VWC2: variants seen among roughly 807,000 people sequenced by gnomAD.
VWC2 encodes the protein von Willebrand factor C domain containing 2.
VWC2 carries 14 observed loss-of-function variants against 29.8 expected under a neutral mutation model. The ratio of observed to expected loss-of-function variants is 0.47; its 90% CI spans 0.31 to 0.74. The LOEUF (loss-of-function observed/expected upper bound fraction) is 0.74, where lower values mean the gene tolerates loss of function less well. VWC2 is among the 30% of genes least tolerant of loss of function. VWC2 has a pLI of 0.05. For synonymous variants in VWC2, 213 were observed against 199.0 expected, an observed-to-expected ratio of 1.07 and a Z score of -0.59; for missense variants, 457 against 459.8, an observed-to-expected ratio of 0.99 and a Z score of 0.05.
chr7:49,810,689 T>A (rs1026068108), intron 3 of VWC2, among the ~76,000 whole-genome samples: 2 of 152,146 alleles, frequency 1.3e-5, no homozygotes, highest in Non-Finnish European at 1.5e-5. Flanking sequence ...TGGAAAAGAA[T>A]TGACAGTCCC....
chr7:49,914,607 T>C lies in VWC2; in HGVS notation c.*2422T>C, dbSNP rs772604779. ...CACTGTATATACTCATTAATAATAATGGCATTATTTGCATTTTTGTCCAAG... is the reference window on the plus strand; with the variant it reads ...CACTGTATATACTCATTAATAATAACGGCATTATTTGCATTTTTGTCCAAG... On this transcript the variant is annotated 3_prime_UTR_variant, in exon 4 of 4. Coordinates refer to ENST00000340652, the MANE Select transcript of VWC2 (RefSeq NM_198570.5). The C allele has an allele frequency of 1.3e-5, 2 of 152,188 alleles. No homozygotes were observed. The highest frequency in any genetic ancestry group is 2.9e-5 in the Non-Finnish European group (2 of 68,034). The allele number at this position is 152,188 out of a possible 1,614,324, so 9.4% of individuals were successfully genotyped here.
intron 3 of VWC2, among the ~76,000 whole-genome samples, chr7:49,837,668 A>C (rs1789694837): frequency 6.6e-6 from 1 of 152,194 alleles, no homozygotes; most frequent in Non-Finnish European, 1.5e-5. Flanking sequence ...GGAAGAAGGA[A>C]AAAAGATAAA....
At position 49,816,497 on chromosome 7, in the gene VWC2, G is replaced by C. The variant is rs757388568; in HGVS notation, c.826+13657G>C. On this transcript the variant is annotated intron_variant, in intron 3 of 3. Transcript: ENST00000340652. The stretch of plus-strand genomic sequence containing the variant: ...AGTTTAAGAATGGGGCTCCACTTCT[G>C]ATTTGGGTAATGACAAAGACCATGG... 2.0e-5 allele frequency among the ~76,000 whole-genome samples: 3 copies of C among 152,188 alleles called. No homozygotes were observed. In the South Asian group the frequency reaches 6.2e-4, roughly 32 times the overall value.
chr7:49,788,772 GGGTGT>G, intron 2 of VWC2, among the ~76,000 whole-genome samples: 2 of 146,054 alleles, frequency 1.4e-5, no homozygotes, highest in African/African-American at 5.4e-5. Flanking sequence ...GTGTGAGAGA[GGGTGT>G]GTATGAGTGT....
At chr7:49,850,127 G>A (rs1364757583) in intron 3 of VWC2, among the ~76,000 whole-genome samples, 1 of 152,164 alleles carries the variant, frequency 6.6e-6, no homozygotes, top group Non-Finnish European at 1.5e-5. Flanking sequence ...TGGTGCTGCA[G>A]GAAAACAGAG....
At chr7:49,828,409 A>G (rs1789451896) in intron 3 of VWC2, among the ~76,000 whole-genome samples, 1 of 152,232 alleles carries the variant, frequency 6.6e-6, no homozygotes. Flanking sequence ...CACTAAGGTC[A>G]TGGGGTAGGT....
At chr7:49,815,544 A>T (rs1789119957) in intron 3 of VWC2, among the ~76,000 whole-genome samples, 1 of 152,152 alleles carries the variant, frequency 6.6e-6, no homozygotes, top group African/African-American at 2.4e-5. Flanking sequence ...AAGCACATAA[A>T]CCTTACAATA....
intron 2 of VWC2, among the ~76,000 whole-genome samples, chr7:49,802,338 AG>A (rs35783218): frequency 0.077 from 11,683 of 152,278 alleles, 593 homozygotes; most frequent in Non-Finnish European, 0.1. Context: ...CAGAAAGTTT[AG>A]GGAAAGAAAA....
chr7:49,901,042 G>A (rs979433555), intron 3 of VWC2: 1 of 151,624 alleles, frequency 6.6e-6, no homozygotes, highest in Admixed American at 6.6e-5. Context: ...TTTATGATAA[G>A]GTAAACTAGG....
intron 3 of VWC2, among the ~76,000 whole-genome samples, chr7:49,906,438 C>T (rs564090856): frequency 6.6e-6 from 1 of 152,182 alleles, no homozygotes; most frequent in South Asian, 2.1e-4. Flanking sequence ...TGGGTTCACG[C>T]CATTTTCCTG....
chr7:49,880,151 AAT>A (rs1416015384), intron 3 of VWC2, among the ~76,000 whole-genome samples: 1 of 152,156 alleles, frequency 6.6e-6, no homozygotes, highest in African/African-American at 2.4e-5. Flanking sequence ...CTGCTTTTGC[AAT>A]ATTTTACTAA....
chr7:49,821,472 C>A (rs115054105), intron 3 of VWC2, among the ~76,000 whole-genome samples: 130 of 152,266 alleles, frequency 8.5e-4, no homozygotes, highest in African/African-American at 3.0e-3. Flanking sequence ...GACTCATTTT[C>A]AACTGCAATT....
intron 2 of VWC2, among the ~76,000 whole-genome samples, chr7:49,793,110 A>G (rs1055673233): frequency 3.9e-5 from 6 of 152,336 alleles, no homozygotes; most frequent in African/African-American, 1.4e-4. Context: ...AAGCATCACT[A>G]AAATCCTCCA....
intron 2 of VWC2, among the ~76,000 whole-genome samples, chr7:49,788,447 G>C (rs550091575): frequency 6.8e-5 from 5 of 73,782 alleles, no homozygotes; most frequent in Non-Finnish European, 1.1e-4. Context: ...CCCCTGGCCT[G>C]TGTGTGTGTG....
intron 3 of VWC2, among the ~76,000 whole-genome samples, chr7:49,871,872 T>C (rs1791162086): frequency 6.8e-6 from 1 of 146,430 alleles, no homozygotes; most frequent in Non-Finnish European, 1.5e-5. Flanking sequence ...CATATGTGCA[T>C]ATATAATGTT....
At chr7:49,865,065 A>G (rs1479664618) in intron 3 of VWC2, among the ~76,000 whole-genome samples, 2 of 152,206 alleles carry the variant, frequency 1.3e-5, no homozygotes, top group Non-Finnish European at 2.9e-5. Flanking sequence ...TTTTGTAAAG[A>G]ATTGTAAATG....
intron 3 of VWC2, among the ~76,000 whole-genome samples, chr7:49,851,624 C>G (rs1370435891): frequency 6.6e-6 from 1 of 152,202 alleles, no homozygotes. Flanking sequence ...CTTCGGGAGG[C>G]CGAGGCGGGT....
At chr7:49,800,401 C>G (rs1434859031) in intron 2 of VWC2, among the ~76,000 whole-genome samples, 1 of 152,156 alleles carries the variant, frequency 6.6e-6, no homozygotes, top group Admixed American at 6.5e-5. Flanking sequence ...TTTAAATTCC[C>G]AAATGGAAAT....
chr7:49,862,728 T>TG (rs1269270347), intron 3 of VWC2, among the ~76,000 whole-genome samples: 1 of 151,366 alleles, frequency 6.6e-6, no homozygotes, highest in African/African-American at 2.4e-5. Flanking sequence ...GACCATGAGT[T>TG]TTTTTTTTTC....
Sources: gnomAD v4.1 joint callset for allele counts (sites outside exome capture counted in the v4.1 genomes callset) on GRCh38, gnomAD v4.1.1 for gene constraint, MANE v1.5 for transcripts, NCBI Gene and HGNC (gene_info 2026-07-23, HGNC 2026-07-21) for gene names.